Variants in DLX4 observed in about 807,000 individuals in gnomAD.
DLX4 encodes the protein homeobox protein DLX-4.
Under a neutral mutation model 17.1 loss-of-function variants are expected in DLX4, and 13 were observed. The observed-to-expected ratio is 0.76, with a 90% CI of 0.49 to 1.21. The LOEUF is 1.21. Ranked by LOEUF, DLX4 falls within the 50% of genes most tolerant of loss-of-function variation. The probability of loss-of-function intolerance (pLI) is 0.00; values close to 1 mark genes in which losing one functional copy is unlikely to be tolerated. For synonymous variants in DLX4, 129 were observed against 140.3 expected, an observed-to-expected ratio of 0.92 and a Z score of 0.57; for missense variants, 297 against 301.4, an observed-to-expected ratio of 0.99 and a Z score of 0.11.
At chr17:49,970,171 C>CT (rs1301267437) in intron 1 of DLX4, among the ~76,000 whole-genome samples, 1 of 152,134 alleles carries the variant, frequency 6.6e-6, no homozygotes, top group Non-Finnish European at 1.5e-5. Flanking sequence ...CTGCGTTAGT[C>CT]TTGTCTCAGA....
intron 1 of DLX4, among the ~76,000 whole-genome samples, chr17:49,970,153 G>A (rs992173854): frequency 6.6e-6 from 1 of 151,856 alleles, no homozygotes; most frequent in East Asian, 1.9e-4. Flanking sequence ...CCCCATTGTC[G>A]CCCCTCTCTG....
At position 49,969,616 on chromosome 17, in the gene DLX4, C is replaced by A; in HGVS notation, c.148C>A (p.Pro50Thr). 1 of 1,613,330 alleles carries A rather than the reference C, an allele frequency of 6.2e-7. No homozygotes were observed. Among genetic ancestry groups the A allele is most frequent in the African/African-American group, 1.3e-5 (1 of 75,042 alleles). Residue 50 changes from proline (P) to threonine (T), a missense_variant, in exon 1 of 3, where the codon CCG (proline) becomes ACG (threonine). Pro to Thr is a conservative substitution (Grantham distance 38). Transcript: ENST00000240306. ...AASPNLSYSR[P>T]YGHLLSYPYT... ...CTCCCCCAATTTGTCCTACTCCAGGCCGTATGGCCACCTCCTGTCTTACCC... is the reference window on the plus strand; with the variant it reads ...CTCCCCCAATTTGTCCTACTCCAGGACGTATGGCCACCTCCTGTCTTACCC...
chr17:49,970,560 C>T (rs544511627), intron 1 of DLX4, among the ~76,000 whole-genome samples: 18 of 152,360 alleles, frequency 1.2e-4, no homozygotes, highest in African/African-American at 2.4e-4. Context: ...CTCAATGAAG[C>T]GGAGAACCTG....
At chr17:49,973,528 G>A in intron 2 of DLX4, 173 bp from the exon 3 acceptor site, 2 of 1,004,608 alleles carry the variant, frequency 2.0e-6, no homozygotes, top group Non-Finnish European at 2.9e-6. Flanking sequence ...TAGCTCAGAG[G>A]CAGGAACTCA....
At chr17:49,969,819 C>A in intron 1 of DLX4, 68 bp downstream of exon 1, 1 of 1,412,164 alleles carries the variant, frequency 7.1e-7, no homozygotes, top group South Asian at 1.6e-5. Context: ...AAACTTCTCC[C>A]TCGCCTGGTT....
chr17:49,971,733 G>A (rs1230574413), intron 1 of DLX4, among the ~76,000 whole-genome samples: 3 of 152,004 alleles, frequency 2.0e-5, no homozygotes, highest in African/African-American at 4.8e-5. Flanking sequence ...GGTCGAGGCA[G>A]GGGAGGCAGG....
chr17:49,973,328 C>A, intron 2 of DLX4, 59 bp downstream of exon 2: 1 of 1,582,422 alleles, frequency 6.3e-7, no homozygotes, highest in South Asian at 1.1e-5. Flanking sequence ...GGGAACTCAT[C>A]CCCCAGCCCC....
Position 49,973,251 on chromosome 17 carries a change from C to G in DLX4, c.462C>G (p.Leu154=), listed in dbSNP as rs150742579. 1 of 1,613,942 alleles carries G rather than the reference C, an allele frequency of 6.2e-7. No homozygotes were observed. The highest frequency in any genetic ancestry group is 8.5e-7 in the Non-Finnish European group (1 of 1,180,012). ...AGAGGGCCCAGCTGGCAGCGCAGCT[C>G]GGCCTCACCCAGACCCAGGTGGGGC... ...LPERAQLAAQ[L]GLTQTQVKIW... Residue 154 remains leucine, a synonymous_variant, in exon 2 of 3, where the codon CTC becomes CTG. Transcript: ENST00000240306.
At chr17:49,973,667 T>C in intron 2 of DLX4, 34 bp from the exon 3 acceptor site, 1 of 1,496,394 alleles carries the variant, frequency 6.7e-7, no homozygotes, top group Non-Finnish European at 8.9e-7. Flanking sequence ...ATCTTCCTCC[T>C]GATCTTTCAT....
In DLX4 at chr17:49,973,034, C is replaced by T. The variant is rs748457781; in HGVS notation, c.284-39C>T. 3.7e-6 allele frequency: 6 copies of T among 1,604,692 alleles called. No homozygotes were observed. In the South Asian group the frequency reaches 6.6e-5, roughly 18 times the overall value. ...AAACTGTCCGTCCTACCCCCTCGCT[C>T]CCTCCTCGCCCCCTACACCGTGTTG... On this transcript the variant is annotated intron_variant, in intron 1 of 2. Coordinates refer to ENST00000240306, the MANE Select transcript of DLX4 (RefSeq NM_138281.3).
rs1905421261 is a variant in DLX4, at chr17:49,969,472, A to T, written c.4A>T (p.Thr2Ser). The change falls in exon 1 of 3, where the codon ACC becomes TCC. Residue 2 changes from threonine (T) to serine (S), a missense_variant. Coordinates refer to ENST00000240306, the MANE Select transcript of DLX4 (RefSeq NM_138281.3). ...TTCTGCCCGGGCCCTGGCCACAATG[A>T]CCTCTTTGCCCTGCCCCCTCCCCGG... M[T>S]SLPCPLPGRD... The T allele has an allele frequency of 6.4e-7, 1 of 1,563,428 alleles. No individual in the cohort carries two copies. Among genetic ancestry groups the T allele is most frequent in the African/African-American group, 1.4e-5 (1 of 73,442 alleles).
rs1431643799 is a variant in DLX4 at position 49,972,704 on chromosome 17, C to A, written c.284-369C>A. On this transcript the variant is annotated intron_variant, in intron 1 of 2. Coordinates refer to ENST00000240306, the MANE Select transcript of DLX4 (RefSeq NM_138281.3). The surrounding 1 kb of genome is among the most constrained non-coding windows in gnomAD (Gnocchi z 5.4). ...GGCCTCGGCTCAGCCCTGGACCTAG[C>A]CTTTCTGCCCCGCCCTACCCCAAGC... The A allele has an allele frequency of 8.2e-6, 11 of 1,339,878 alleles. No homozygotes were observed. The highest frequency in any genetic ancestry group is 1.0e-5 in the Non-Finnish European group (11 of 1,048,462). The allele number at this position is 1,339,878 out of a possible 1,614,324, so 83.0% of individuals were successfully genotyped here. A position where few individuals can be genotyped will look rare whatever the true frequency, so the allele number is the denominator to read the frequency against.
intron 1 of DLX4, 109 bp downstream of exon 1, chr17:49,969,860 T>G (rs1208062731): frequency 7.9e-6 from 3 of 379,850 alleles, no homozygotes; most frequent in East Asian, 2.2e-4. Context: ...AAACCTTCCT[T>G]GGATTCCCTG....
chr17:49,973,521 C>T (rs1036224708), intron 2 of DLX4, 180 bp from the exon 3 acceptor site: 9 of 988,932 alleles, frequency 9.1e-6, no homozygotes, highest in South Asian at 1.6e-5. Flanking sequence ...TGGATACTAG[C>T]TCAGAGGCAG....
Position 49,972,979 on chromosome 17 carries a change from G to C in DLX4, c.284-94G>C. The C allele has an allele frequency of 6.5e-7, 1 of 1,534,140 alleles. No homozygotes were observed. The highest frequency in any genetic ancestry group is 8.8e-7 in the Non-Finnish European group (1 of 1,137,018). On this transcript the variant is annotated intron_variant, in intron 1 of 2. Transcript: ENST00000240306. The surrounding 1 kb of genome is among the most constrained non-coding windows in gnomAD (Gnocchi z 5.4). The stretch of plus-strand genomic sequence containing the variant: ...CGCTTTTTGCTATTTGCTGCCGACG[G>C]CATGCAGACGAGATGCAAATAAGCT...
rs755026052 is a variant in DLX4, at chr17:49,973,102, C to A, written c.313C>A (p.Pro105Thr). 3 of 1,614,108 alleles carry A rather than the reference C, an allele frequency of 1.9e-6. No homozygotes were observed. The highest frequency in any genetic ancestry group is 4.5e-5 in the East Asian group (2 of 44,886). ...DSEKPRLSPE[P>T]SERRPQAPAK... ...GGAGAAGCCGCGGCTGTCCCCGGAA[C>A]CCTCCGAGCGGCGCCCTCAGGCCCC... Residue 105 changes from proline to threonine, a missense_variant, in exon 2 of 3, where the codon CCC becomes ACC. Transcript: ENST00000240306.
Position 49,972,773 on chromosome 17 carries a change from C to T in DLX4, c.284-300C>T. On this transcript the variant is annotated intron_variant, in intron 1 of 2. Transcript: ENST00000240306. This position sits in a 1 kb window ranked among gnomAD's most constrained non-coding sequence, Gnocchi z 5.4. ...CTGAACTCCGACCTCCCACCGCAGG[C>T]GCCGCGGTACCCTGGCTGTGGCCCT... The T allele has an allele frequency of 7.2e-7, 1 of 1,386,138 alleles. No individual in the cohort carries two copies. The highest frequency in any genetic ancestry group is 1.8e-5 in the South Asian group (1 of 56,168). 85.9% of individuals were successfully genotyped at this position (1,386,138 alleles called of 1,614,324 possible).
At position 49,973,323 on chromosome 17, in the gene DLX4, C is replaced by G. The variant is rs778557043; in HGVS notation, c.480+54C>G. On this transcript the variant is annotated intron_variant, in intron 2 of 2. Coordinates refer to ENST00000240306, the MANE Select transcript of DLX4 (RefSeq NM_138281.3). Reference sequence around the variant, plus strand: ...CTCACCTTCCCTGGTTCTCTGGGAACTCATCCCCCAGCCCCAGCTGTGAAT... The same window carrying G: ...CTCACCTTCCCTGGTTCTCTGGGAAGTCATCCCCCAGCCCCAGCTGTGAAT... 6 of 1,589,888 alleles carry G rather than the reference C, an allele frequency of 3.8e-6. No homozygotes were observed. The African/African-American group carries it at 8.1e-5, about 21-fold the overall frequency.
chr17:49,969,918 G>A (rs1040992719), intron 1 of DLX4, among the ~76,000 whole-genome samples, 167 bp downstream of exon 1: 6 of 151,294 alleles, frequency 4.0e-5, no homozygotes, highest in South Asian at 2.1e-4. Flanking sequence ...GGAGACACGG[G>A]GGGAGGGGCG....
Sources: allele counts gnomAD v4.1 joint callset (sites outside exome capture counted in the v4.1 genomes callset), GRCh38; gene constraint gnomAD v4.1.1; non-coding constraint Gnocchi (gnomAD v3.1); transcripts MANE v1.5; gene names NCBI Gene and HGNC (gene_info 2026-07-23, HGNC 2026-07-21).